Variants in GALK2 observed in about 807,000 individuals in gnomAD.
The protein encoded by GALK2 is N-acetylgalactosamine kinase.
A neutral mutation model predicts 52.4 loss-of-function variants in GALK2; 36 were observed. That is an observed-to-expected ratio of 0.69 (90% CI 0.53 to 0.91). The LOEUF (loss-of-function observed/expected upper bound fraction) is 0.91, where lower values mean the gene tolerates loss of function less well. GALK2 is among the 40% of genes least tolerant of loss of function. The probability of loss-of-function intolerance (pLI) is 0.00; values close to 1 mark genes in which losing one functional copy is unlikely to be tolerated. For synonymous variants in GALK2, 176 were observed against 199.1 expected (o/e 0.88, Z 0.98); for missense variants, 579 against 559.1 (o/e 1.04, Z -0.36).
At chr15:49,325,261 G>A (rs956939581) in intron 9 of GALK2, among the ~76,000 whole-genome samples, 1 of 152,166 alleles carries the variant, frequency 6.6e-6, no homozygotes, top group African/African-American at 2.4e-5. Context: ...GGCTGCCTTT[G>A]TTGCTTTAAC....
chr15:49,158,406 A>G lies in GALK2; in HGVS notation c.20+2390A>G, dbSNP rs2084530014. Reference sequence around the variant, plus strand: ...AGTTTATTTTTAGTTCAGTACAATAATTGTTTTAAGAAAACATGAAATAAC... The same window carrying G: ...AGTTTATTTTTAGTTCAGTACAATAGTTGTTTTAAGAAAACATGAAATAAC... On this transcript the variant is annotated intron_variant, in intron 1 of 9. Coordinates refer to the GALK2 transcript ENST00000327171. 2.0e-5 allele frequency among the ~76,000 whole-genome samples: 3 copies of G among 152,238 alleles called. 1 individual carries two copies. The highest frequency in any genetic ancestry group is 3.2e-3 in the Middle Eastern group (1 of 316).
chr15:49,266,685 G>A (rs1395089697), intron 5 of GALK2, among the ~76,000 whole-genome samples: 1 of 152,216 alleles, frequency 6.6e-6, no homozygotes, highest in Non-Finnish European at 1.5e-5. Context: ...GGGGAATCTG[G>A]TTAGTGTCTT....
chr15:49,196,880 A>G (rs2087280164), intron 1 of GALK2, among the ~76,000 whole-genome samples: 1 of 152,228 alleles, frequency 6.6e-6, no homozygotes, highest in Non-Finnish European at 1.5e-5. Context: ...ACTTGAAGCC[A>G]GAAGTTTGAG....
In GALK2 at chr15:49,329,292, T is replaced by C. The variant is rs944523729; in HGVS notation, c.*1133T>C. On this transcript the variant is annotated 3_prime_UTR_variant, in exon 10 of 10. Transcript: ENST00000560031. ...GCTGGTGATGGCAAATGACTGGCTT[T>C]CTCTTGTGGATGGACTATAGGAAGC... is the stretch of plus-strand genomic sequence containing the variant. 1.7e-5 allele frequency: 17 copies of C among 985,344 alleles called. No homozygotes were observed. In the African/African-American group the frequency reaches 3.0e-4, roughly 17 times the overall value. The allele number at this position is 985,344 out of a possible 1,614,324, so 61.0% of individuals were successfully genotyped here.
chr15:49,240,513 A>T (rs1260763051), intron 5 of GALK2, among the ~76,000 whole-genome samples: 1 of 152,208 alleles, frequency 6.6e-6, no homozygotes, highest in Non-Finnish European at 1.5e-5. Context: ...TAGTAAGTGG[A>T]TAAGTAGTTT....
rs779561225 is a variant in GALK2, at chr15:49,328,603, TTGATGATGG to T, written c.*453_*461del. 5.6e-6 allele frequency: 9 copies of T among 1,594,720 alleles called. No individual in the cohort carries two copies. In the East Asian group the frequency reaches 1.8e-4, roughly 32 times the overall value. On this transcript the variant is annotated 3_prime_UTR_variant, in exon 10 of 10. Coordinates refer to ENST00000560031, the MANE Select transcript of GALK2 (RefSeq NM_002044.4). Reference sequence around the variant, plus strand: ...TCTTCCTCAAAGTTGTAGTTGTCTGTTGATGATGGTGATGATGATGATGATGACGATAGT... The same window carrying T: ...TCTTCCTCAAAGTTGTAGTTGTCTGTTGATGATGATGATGATGACGATAGT...
In GALK2 at chr15:49,292,689, TATTC is replaced by T. The variant is rs1487243566; in HGVS notation, c.967+161_967+164del. The T allele has an allele frequency of 6.3e-5, 41 of 655,702 alleles. No homozygotes were observed. In the African/African-American group the frequency reaches 6.9e-4, roughly 11 times the overall value. The allele number at this position is 655,702 out of a possible 1,614,324, so 40.6% of individuals were successfully genotyped here. A position where few individuals can be genotyped will look rare whatever the true frequency, so the allele number is the denominator to read the frequency against. Reference sequence around the variant, plus strand: ...ATTTAGAATCTTAGCTTCATAAATGTATTCATTCATTCTTTCATTCACCACTATG... The same window carrying T: ...ATTTAGAATCTTAGCTTCATAAATGTATTCATTCTTTCATTCACCACTATG... On this transcript the variant is annotated intron_variant, in intron 8 of 9. Coordinates refer to ENST00000560031, the MANE Select transcript of GALK2 (RefSeq NM_002044.4).
At chr15:49,226,286 A>G (rs1386481874) in intron 3 of GALK2, among the ~76,000 whole-genome samples, 1 of 152,140 alleles carries the variant, frequency 6.6e-6, no homozygotes, top group Non-Finnish European at 1.5e-5. Flanking sequence ...TTGCCCCACT[A>G]TCCCTTCACT....
Position 49,264,547 on chromosome 15 carries a change from T to G in GALK2, c.505-17440T>G, listed in dbSNP as rs1263760218. On this transcript the variant is annotated intron_variant, in intron 5 of 9. Transcript: ENST00000560031. ...CCCAACGTAGCTCAGAGTAATTTGA[T>G]CGTCTGAAGCCTTCTTCTCTCAGCT... Among the ~76,000 whole-genome samples the G allele has an allele frequency of 4.6e-5, 7 of 152,356 alleles. 1 individual carries two copies. The highest frequency in any genetic ancestry group is 4.6e-4 in the Admixed American group (7 of 15,310).
intron 5 of GALK2, among the ~76,000 whole-genome samples, chr15:49,247,915 A>G (rs1427448062): frequency 6.6e-6 from 1 of 152,216 alleles, no homozygotes; most frequent in African/African-American, 2.4e-5. Flanking sequence ...AATTAGTTAT[A>G]TAGACAGGGG....
chr15:49,218,937 C>A (rs116322895), intron 3 of GALK2, among the ~76,000 whole-genome samples: 3,380 of 152,174 alleles, frequency 0.022, 103 homozygotes, highest in South Asian at 0.077. Context: ...GAGATTCTCC[C>A]ACTTCAGTCT....
intron 1 of GALK2, among the ~76,000 whole-genome samples, chr15:49,180,276 A>G (rs915030229): frequency 6.6e-6 from 1 of 152,216 alleles, no homozygotes; most frequent in African/African-American, 2.4e-5. Context: ...TCTGTATATG[A>G]TTTTCACAGG....
Position 49,174,972 on chromosome 15 carries a change from G to C in GALK2, c.53+4597G>C, listed in dbSNP as rs531765557. On this transcript the variant is annotated intron_variant, in intron 1 of 9. Coordinates refer to ENST00000560031, the MANE Select transcript of GALK2 (RefSeq NM_002044.4). ...TGTGGACTGAAGGTGTTCTAACTTC[G>C]AGTAGGGAAGAGGAAGTTTGGGTTT... Among the ~76,000 whole-genome samples, 12 of 152,252 alleles carry C rather than the reference G, an allele frequency of 7.9e-5. 1 individual carries two copies. In the South Asian group the frequency reaches 2.5e-3, roughly 32 times the overall value.
chr15:49,200,506 G>A (rs1281592855), intron 1 of GALK2, among the ~76,000 whole-genome samples: 1 of 152,196 alleles, frequency 6.6e-6, no homozygotes, highest in Non-Finnish European at 1.5e-5. Flanking sequence ...TATGACTGGT[G>A]TCCTTACAAG....
At chr15:49,357,360 A>T (rs2043336035) in intron 3 of GALK2, among the ~76,000 whole-genome samples, 1 of 150,038 alleles carries the variant, frequency 6.7e-6, no homozygotes, top group Admixed American at 6.7e-5. Flanking sequence ...AGAAAAAAAG[A>T]GAGAAGAATC....
chr15:49,307,364 A>G (rs2035630867), intron 8 of GALK2, among the ~76,000 whole-genome samples: 1 of 152,204 alleles, frequency 6.6e-6, no homozygotes, highest in Non-Finnish European at 1.5e-5. Context: ...AAAATACGCT[A>G]GATTTCGATG....
chr15:49,301,047 G>A (rs1265415302), intron 8 of GALK2, among the ~76,000 whole-genome samples: 1 of 152,056 alleles, frequency 6.6e-6, no homozygotes, highest in African/African-American at 2.4e-5. Context: ...TGTCTGAAAA[G>A]GATTTTATTT....
chr15:49,265,568 G>C (rs1003603416), intron 5 of GALK2, among the ~76,000 whole-genome samples: 1 of 152,232 alleles, frequency 6.6e-6, no homozygotes, highest in African/African-American at 2.4e-5. Flanking sequence ...CGCGCAGTGC[G>C]CTGCATCCAC....
At chr15:49,212,436 T>C (rs983939416) in intron 2 of GALK2, among the ~76,000 whole-genome samples, 2 of 151,870 alleles carry the variant, frequency 1.3e-5, no homozygotes, top group Admixed American at 1.3e-4. Flanking sequence ...TTGATTTAGT[T>C]TATGTTTGCA....
Sources: allele counts gnomAD v4.1 joint callset (sites outside exome capture counted in the v4.1 genomes callset), GRCh38; gene constraint gnomAD v4.1.1; transcripts MANE v1.5; gene names NCBI Gene and HGNC (gene_info 2026-07-23, HGNC 2026-07-21).